CD109: variants seen among roughly 807,000 people sequenced by gnomAD.
The protein encoded by CD109 is CD109 antigen.
CD109 carries 149 observed loss-of-function variants against 165.8 expected under a neutral mutation model. The ratio of observed to expected loss-of-function variants is 0.90; its 90% CI spans 0.79 to 1.03. The LOEUF (loss-of-function observed/expected upper bound fraction) is 1.03, where lower values mean the gene tolerates loss of function less well. Among genes scored for constraint, CD109 ranks in the 50% least tolerant of loss-of-function variants. The probability of loss-of-function intolerance (pLI) is 0.00; values close to 1 mark genes in which losing one functional copy is unlikely to be tolerated. For synonymous variants in CD109, 585 were observed against 592.1 expected (o/e 0.99, Z 0.18); for missense variants, 1,712 against 1,677.8 (o/e 1.02, Z -0.36).
chr6:73,736,691 CAT>C (rs1376390161), intron 5 of CD109, among the ~76,000 whole-genome samples, 183 bp downstream of exon 5: 2 of 152,136 alleles, frequency 1.3e-5, no homozygotes, highest in Non-Finnish European at 2.9e-5. Context: ...TTCATTCTAA[CAT>C]ATTAGAATTT....
At chr6:73,767,429 C>T (rs10943125) in intron 13 of CD109, among the ~76,000 whole-genome samples, 76,204 of 151,622 alleles carry the variant, frequency 0.5, 19,496 homozygotes, top group African/African-American at 0.61. Context: ...AGTATATGTG[C>T]ACCACGTTTT....
In CD109 at chr6:73,781,314, G is replaced by A. The variant is rs894921128; in HGVS notation, c.1958G>A (p.Gly653Asp). The A allele has an allele frequency of 6.2e-7, 1 of 1,611,342 alleles. No individual in the cohort carries two copies. The highest frequency in any genetic ancestry group is 8.5e-7 in the Non-Finnish European group (1 of 1,177,848). ...AACCTCACGAAGGATTATATTGATGGTGTTTGTAAGTAATACATGGCGACA... is the reference window on the plus strand; with the variant it reads ...AACCTCACGAAGGATTATATTGATGATGTTTGTAAGTAATACATGGCGACA... ...DANLTKDYIDGVYDNAEYAER... is the reference protein window; with the variant it reads ...DANLTKDYIDDVYDNAEYAER... The change falls in exon 17 of 33, where the codon GGT becomes GAT. Residue 653 changes from glycine (G) to aspartate (D), a missense_variant. Physicochemically the swap from Gly to Asp is moderately conservative, Grantham distance 94. Transcript: ENST00000287097.
intron 9 of CD109, 109 bp downstream of exon 9, chr6:73,762,991 T>G (rs1773691971): frequency 6.2e-6 from 6 of 965,188 alleles, no homozygotes; most frequent in Non-Finnish European, 9.0e-6. Flanking sequence ...TTTCTAAAGA[T>G]GCTATTTAAT....
At chr6:73,688,147 C>T in the CD109 span, among the ~76,000 whole-genome samples, 1 of 151,882 alleles carries the variant, frequency 6.6e-6, no homozygotes, top group South Asian at 2.1e-4. Flanking sequence ...ATTGTGATTT[C>T]TTTTTGTCTG....
chr6:73,806,954 A>G lies in CD109; in HGVS notation c.3071A>G (p.Asn1024Ser), dbSNP rs770189617. 23 of 1,613,876 alleles carry G rather than the reference A, an allele frequency of 1.4e-5. No homozygotes were observed. Among genetic ancestry groups the G allele is most frequent in the Middle Eastern group, 1.6e-4 (1 of 6,084 alleles). ...TGGCTTAAAGGACATCAGAAATCCA[A>G]CGGTGAATTTTGGGATCCAGGAAGA... is the stretch of plus-strand genomic sequence containing the variant. ...YTWLKGHQKSNGEFWDPGRVI... is the reference protein window; with the variant it reads ...YTWLKGHQKSSGEFWDPGRVI... Residue 1024 changes from asparagine to serine, a missense_variant, in exon 25 of 33, where the codon AAC becomes AGC. Asn to Ser is a conservative substitution (Grantham distance 46, BLOSUM62 1). Transcript: ENST00000287097.
chr6:73,782,574 A>T (rs1195295781), intron 17 of CD109, 40 bp from the exon 18 acceptor site: 12 of 1,591,324 alleles, frequency 7.5e-6, no homozygotes, highest in South Asian at 5.6e-5. Context: ...CATTCTCTCC[A>T]GTGACTGTTT....
chr6:73,711,067 G>A (rs865837797), intron 2 of CD109, among the ~76,000 whole-genome samples: 2 of 152,136 alleles, frequency 1.3e-5, no homozygotes, highest in East Asian at 1.9e-4. Context: ...AAAAACAGGC[G>A]TGGGCCAGAC....
the CD109 span, among the ~76,000 whole-genome samples, chr6:73,679,640 T>TG: frequency 6.6e-6 from 1 of 151,754 alleles, no homozygotes; most frequent in African/African-American, 2.4e-5. Context: ...TTTTTTTTGT[T>TG]TTTTGTTTTT....
Position 73,771,545 on chromosome 6 carries a change from T to A in CD109, c.1791T>A (p.Asn597Lys). 6.2e-7 allele frequency: 1 copy of A among 1,608,102 alleles called. No homozygotes were observed. Among genetic ancestry groups the A allele is most frequent in the Non-Finnish European group, 8.5e-7 (1 of 1,177,878 alleles). ...VGIVAVDKSV[N>K]LMNASNDITM... ...TTGTAGCTGTTGACAAAAGTGTGAA[T>A]CTGATGAATGCCTCTAATGATATTA... Residue 597 changes from asparagine (N) to lysine (K), a missense_variant, in exon 15 of 33, where the codon AAT (asparagine) becomes AAA (lysine). Coordinates refer to ENST00000287097, the MANE Select transcript of CD109 (RefSeq NM_133493.5).
chr6:73,681,931 T>A, the CD109 span, among the ~76,000 whole-genome samples: 1 of 151,984 alleles, frequency 6.6e-6, no homozygotes, highest in Non-Finnish European at 1.5e-5. Context: ...AACCATTAGA[T>A]CTCATGAGAC....
intron 28 of CD109, among the ~76,000 whole-genome samples, chr6:73,811,592 C>G (rs1775762411): frequency 6.6e-6 from 1 of 152,126 alleles, no homozygotes; most frequent in South Asian, 2.1e-4. Context: ...TTGAACTCAT[C>G]ATTCCAAAGA....
chr6:73,758,740 A>C (rs1450063980), intron 6 of CD109, among the ~76,000 whole-genome samples: 1 of 152,234 alleles, frequency 6.6e-6, no homozygotes, highest in Non-Finnish European at 1.5e-5. Flanking sequence ...TGGGTGAAAC[A>C]AAGGGCTTTT....
intron 2 of CD109, among the ~76,000 whole-genome samples, chr6:73,699,260 C>T (rs1222748412): frequency 6.6e-6 from 1 of 152,154 alleles, no homozygotes; most frequent in Non-Finnish European, 1.5e-5. Flanking sequence ...TTGGGTACCA[C>T]ACTTATCACC....
At chr6:73,777,726 T>A (rs189822207) in intron 15 of CD109, among the ~76,000 whole-genome samples, 1 of 152,328 alleles carries the variant, frequency 6.6e-6, no homozygotes, top group Non-Finnish European at 1.5e-5. Context: ...TAGTTGTAGA[T>A]GTGCAGTCTT....
intron 5 of CD109, among the ~76,000 whole-genome samples, chr6:73,750,977 TTAATATGTCCAGTCTAATAAAA>T (rs1366054418): frequency 1.3e-5 from 2 of 152,132 alleles, no homozygotes; most frequent in East Asian, 3.9e-4. Context: ...CATTCAGTAA[TTAATATGTCCAGTCTAATAAAA>T]TAAAATGCTC....
At chr6:73,815,276 C>A (rs914344013) in intron 30 of CD109, among the ~76,000 whole-genome samples, 153 bp downstream of exon 30, 3 of 152,096 alleles carry the variant, frequency 2.0e-5, no homozygotes, top group Non-Finnish European at 4.4e-5. Context: ...AGAAATACTA[C>A]TAATTATATT....
At chr6:73,726,348 C>T (rs1200913974) in intron 3 of CD109, among the ~76,000 whole-genome samples, 1 of 152,054 alleles carries the variant, frequency 6.6e-6, no homozygotes, top group East Asian at 1.9e-4. Flanking sequence ...GTTTTGTACA[C>T]AATATGGCAG....
chr6:73,792,819 C>A lies in CD109; in HGVS notation c.2878+17C>A. The A allele has an allele frequency of 6.3e-7, 1 of 1,584,156 alleles. No individual in the cohort carries two copies. Among genetic ancestry groups the A allele is most frequent in the Non-Finnish European group, 8.5e-7 (1 of 1,171,424 alleles). On this transcript the variant is annotated intron_variant, in intron 23 of 32. Coordinates refer to ENST00000287097, the MANE Select transcript of CD109 (RefSeq NM_133493.5). ...TGAGGCAAGGTAAGCATTTTAGAGA[C>A]CTACATTTGTTCGTAGAAAAAAATT...
At chr6:73,752,931 A>G (rs186102849) in intron 5 of CD109, among the ~76,000 whole-genome samples, 223 of 152,356 alleles carry the variant, frequency 1.5e-3, no homozygotes, top group African/African-American at 5.1e-3. Context: ...TGTACTTCCT[A>G]CGAAAAGACT....
Sources: allele counts gnomAD v4.1 joint callset (sites outside exome capture counted in the v4.1 genomes callset), GRCh38; gene constraint gnomAD v4.1.1; transcripts MANE v1.5; gene names NCBI Gene and HGNC (gene_info 2026-07-23, HGNC 2026-07-21).